Variants in LHFPL3 observed in about 807,000 individuals in gnomAD.
The protein encoded by LHFPL3 is LHFPL tetraspan subfamily member 3 protein.
In LHFPL3, 5 loss-of-function variants were observed where a neutral mutation model predicts 19.3. The ratio of observed to expected loss-of-function variants is 0.26; its 90% CI spans 0.14 to 0.54. The LOEUF (loss-of-function observed/expected upper bound fraction) is 0.54. LHFPL3 is among the 20% of genes least tolerant of loss of function. The probability of loss-of-function intolerance (pLI) is 0.94; values close to 1 mark genes in which losing one functional copy is unlikely to be tolerated. For synonymous variants in LHFPL3, 133 were observed against 126.2 expected (o/e 1.05, Z -0.36); for missense variants, 249 against 307.4 (o/e 0.81, Z 1.42).
intron 2 of LHFPL3, among the ~76,000 whole-genome samples, chr7:104,903,556 C>T (rs1792535995): frequency 6.6e-6 from 1 of 151,642 alleles, no homozygotes; most frequent in Admixed American, 6.6e-5. Flanking sequence ...CCTCTGCCTC[C>T]CGGGTTCAAG....
chr7:104,480,913 C>T (rs944606820), intron 1 of LHFPL3, among the ~76,000 whole-genome samples: 1 of 152,164 alleles, frequency 6.6e-6, no homozygotes, highest in Admixed American at 6.5e-5. Flanking sequence ...AACAGTGAGA[C>T]TTACCTGTTT....
chr7:104,585,372 C>T (rs1202447186), intron 1 of LHFPL3, among the ~76,000 whole-genome samples: 1 of 152,052 alleles, frequency 6.6e-6, no homozygotes, highest in Non-Finnish European at 1.5e-5. Context: ...GCACAGGGCT[C>T]TTCAGCATTC....
chr7:104,598,453 A>G (rs1304156451), intron 1 of LHFPL3, among the ~76,000 whole-genome samples: 1 of 152,214 alleles, frequency 6.6e-6, no homozygotes, highest in Non-Finnish European at 1.5e-5. Context: ...TTGAAGACAA[A>G]GCACAGTCAA....
At chr7:104,355,688 C>T (rs1407518032) in intron 1 of LHFPL3, among the ~76,000 whole-genome samples, 1 of 152,118 alleles carries the variant, frequency 6.6e-6, no homozygotes, top group Non-Finnish European at 1.5e-5. Flanking sequence ...TAGTTGGTTG[C>T]CCTCCATTGT....
chr7:104,427,745 AAGTT>A (rs1338384506), intron 1 of LHFPL3, among the ~76,000 whole-genome samples: 1 of 152,206 alleles, frequency 6.6e-6, no homozygotes, highest in Non-Finnish European at 1.5e-5. Context: ...GTGGAATCAG[AAGTT>A]CTGAACTCTA....
chr7:104,820,086 G>T (rs1457711499), intron 2 of LHFPL3, among the ~76,000 whole-genome samples: 2 of 152,070 alleles, frequency 1.3e-5, no homozygotes, highest in Non-Finnish European at 1.5e-5. Flanking sequence ...AACTCATCAG[G>T]ACATTTGCAC....
chr7:104,418,085 AG>A (rs1395193251), intron 1 of LHFPL3, among the ~76,000 whole-genome samples: 2 of 152,060 alleles, frequency 1.3e-5, no homozygotes, highest in African/African-American at 4.8e-5. Context: ...CATGTTGGTC[AG>A]GCTGGTCTCG....
At chr7:104,782,940 G>C (rs531731225) in intron 2 of LHFPL3, among the ~76,000 whole-genome samples, 1 of 152,214 alleles carries the variant, frequency 6.6e-6, no homozygotes, top group African/African-American at 2.4e-5. Flanking sequence ...ACACAAGTGC[G>C]CACGCGCGCA....
chr7:104,564,217 G>A (rs1039001798), intron 1 of LHFPL3, among the ~76,000 whole-genome samples: 4 of 152,190 alleles, frequency 2.6e-5, no homozygotes, highest in Admixed American at 6.5e-5. Flanking sequence ...ATAACACCAT[G>A]TTATGGGTTC....
At chr7:104,572,793 A>T (rs1790252996) in intron 1 of LHFPL3, among the ~76,000 whole-genome samples, 1 of 152,164 alleles carries the variant, frequency 6.6e-6, no homozygotes, top group Non-Finnish European at 1.5e-5. Context: ...AATAATACTG[A>T]ATCATAAATG....
chr7:104,443,443 A>G (rs533818263), intron 1 of LHFPL3, among the ~76,000 whole-genome samples: 32 of 152,286 alleles, frequency 2.1e-4, no homozygotes, highest in African/African-American at 7.5e-4. Context: ...GCGCCACTAG[A>G]CATCTTGGTA....
At chr7:104,558,638 A>T (rs1044066221) in intron 1 of LHFPL3, among the ~76,000 whole-genome samples, 4 of 150,164 alleles carry the variant, frequency 2.7e-5, no homozygotes, top group Non-Finnish European at 5.9e-5. Context: ...TTGCCTGTTC[A>T]CTCTGATGGT....
intron 1 of LHFPL3, among the ~76,000 whole-genome samples, chr7:104,379,879 C>G (rs1478101997): frequency 6.6e-6 from 1 of 152,144 alleles, no homozygotes; most frequent in Non-Finnish European, 1.5e-5. Context: ...TTGTGCTTAT[C>G]ATGGTTAGAA....
chr7:104,462,956 A>C (rs1169444562), intron 1 of LHFPL3, among the ~76,000 whole-genome samples: 1 of 152,066 alleles, frequency 6.6e-6, no homozygotes, highest in Non-Finnish European at 1.5e-5. Flanking sequence ...ATTTCTTCCC[A>C]GTTCAGTCTT....
intron 1 of LHFPL3, among the ~76,000 whole-genome samples, chr7:104,381,941 C>A: frequency 6.6e-6 from 1 of 152,058 alleles, no homozygotes; most frequent in East Asian, 1.9e-4. Flanking sequence ...GAAATGCAAA[C>A]CCTCATTCAT....
intron 1 of LHFPL3, among the ~76,000 whole-genome samples, chr7:104,501,579 T>A (rs567197712): frequency 6.6e-6 from 1 of 152,342 alleles, no homozygotes; most frequent in East Asian, 1.9e-4. Context: ...GTCATACTGA[T>A]AGTCACTCAT....
chr7:104,360,694 CGTGTGTGTGTGTGTGTGTGTGTGTGTGT>C (rs61216282), intron 1 of LHFPL3, among the ~76,000 whole-genome samples: 1 of 144,350 alleles, frequency 6.9e-6, no homozygotes, highest in African/African-American at 2.6e-5. Flanking sequence ...AAAGTGCTTC[CGTGTGTGTGTGTGTGTGTGTGTGTGTGT>C]GTGTGTGTGT....
At chr7:104,771,269 T>G (rs969228189) in intron 2 of LHFPL3, among the ~76,000 whole-genome samples, 1 of 152,214 alleles carries the variant, frequency 6.6e-6, no homozygotes, top group African/African-American at 2.4e-5. Flanking sequence ...CACAGGTGTA[T>G]GGCACTTTCA....
intron 1 of LHFPL3, among the ~76,000 whole-genome samples, chr7:104,460,120 A>G (rs1289879135): frequency 6.6e-6 from 1 of 152,028 alleles, no homozygotes; most frequent in Non-Finnish European, 1.5e-5. Flanking sequence ...TCTGTTCCTC[A>G]TTAGTTTGCT....
Sources: allele counts gnomAD v4.1 joint callset (sites outside exome capture counted in the v4.1 genomes callset), GRCh38; gene constraint gnomAD v4.1.1; transcripts MANE v1.5; gene names NCBI Gene and HGNC (gene_info 2026-07-23, HGNC 2026-07-21).